Variants in IGF2BP2 observed in about 807,000 individuals in gnomAD.
IGF2BP2 encodes the protein insulin like growth factor 2 mRNA binding protein 2.
A neutral mutation model predicts 75.8 loss-of-function variants in IGF2BP2; 17 were observed. The observed-to-expected ratio is 0.22, with a 90% CI of 0.15 to 0.34. The LOEUF is 0.34. Among genes scored for constraint, IGF2BP2 ranks in the 10% least tolerant of loss-of-function variants. The pLI, the probability that IGF2BP2 is intolerant of heterozygous loss-of-function variation, is 1.00. For missense variants in IGF2BP2, 516 were observed against 772.4 expected (o/e 0.67, Z 3.93); for synonymous variants, 288 against 295.6 (o/e 0.97, Z 0.26).
At chr3:185,800,749 C>T (rs1738131669) in intron 2 of IGF2BP2, among the ~76,000 whole-genome samples, 1 of 91,366 alleles carries the variant, frequency 1.1e-5, no homozygotes, top group Non-Finnish European at 2.3e-5. Flanking sequence ...AAAGTACTTG[C>T]TGAATACCTG....
At chr3:185,707,596 C>T (rs921941762) in intron 2 of IGF2BP2, among the ~76,000 whole-genome samples, 2 of 151,896 alleles carry the variant, frequency 1.3e-5, no homozygotes, top group African/African-American at 4.8e-5. Flanking sequence ...CGTGAGCCAC[C>T]GAAGAGCCTA....
At chr3:185,764,350 T>C (rs756239176) in intron 2 of IGF2BP2, among the ~76,000 whole-genome samples, 1 of 152,168 alleles carries the variant, frequency 6.6e-6, no homozygotes, top group Non-Finnish European at 1.5e-5. Flanking sequence ...GGTTATGAGA[T>C]GTCCGAAGCA....
chr3:185,717,463 G>A (rs1272817742), intron 2 of IGF2BP2: 2 of 152,384 alleles, frequency 1.3e-5, no homozygotes, highest in Non-Finnish European at 2.9e-5. Context: ...TCTGTGCTGT[G>A]AGTGGTTTAC....
intron 2 of IGF2BP2, among the ~76,000 whole-genome samples, chr3:185,741,033 T>G (rs978972412): frequency 6.6e-6 from 1 of 152,120 alleles, no homozygotes; most frequent in African/African-American, 2.4e-5. Context: ...CATGCCACCA[T>G]GCCCGGCTAA....
chr3:185,771,332 T>C (rs1277644242), intron 2 of IGF2BP2, among the ~76,000 whole-genome samples: 1 of 142,714 alleles, frequency 7.0e-6, no homozygotes, highest in South Asian at 2.3e-4. Context: ...TCCCAGCTAC[T>C]TGGGTGGCTG....
intron 2 of IGF2BP2, among the ~76,000 whole-genome samples, chr3:185,763,585 C>T (rs1041386822): frequency 6.6e-6 from 1 of 152,096 alleles, no homozygotes; most frequent in Non-Finnish European, 1.5e-5. Context: ...CCTGTGGAGG[C>T]TACAAAAATG....
chr3:185,696,528 A>G, intron 4 of IGF2BP2, 84 bp downstream of exon 4: 1 of 1,137,490 alleles, frequency 8.8e-7, no homozygotes, highest in Non-Finnish European at 1.3e-6. Context: ...TGAACTTACT[A>G]TTTCTCCCTG....
At chr3:185,821,277 T>C in intron 2 of IGF2BP2, 1 of 630,064 alleles carries the variant, frequency 1.6e-6, no homozygotes, top group Non-Finnish European at 2.5e-6. Flanking sequence ...GTGTAGTGAA[T>C]CATACACAGC....
chr3:185,794,419 C>CTAACT (rs1737064229), intron 2 of IGF2BP2, among the ~76,000 whole-genome samples: 1 of 73,510 alleles, frequency 1.4e-5, no homozygotes, highest in Admixed American at 1.1e-4. Flanking sequence ...TGAGTATCAA[C>CTAACT]TAACTTACAT....
In IGF2BP2 at chr3:185,770,055, T is replaced by A. The variant is rs184201180; in HGVS notation, c.239+53098A>T. On this transcript the variant is annotated intron_variant, in intron 2 of 15. Coordinates refer to ENST00000382199, the MANE Select transcript of IGF2BP2 (RefSeq NM_006548.6). ...GGACCAGAGGCCCACACAAACCCAA[T>A]AAGATCTGGGAACCCCTGGAAGGGA... is the stretch of plus-strand genomic sequence containing the variant. Among the ~76,000 whole-genome samples, 325 of 152,148 alleles carry A rather than the reference T, an allele frequency of 2.1e-3. 2 individuals are homozygous for A. The highest frequency in any genetic ancestry group is 7.1e-3 in the African/African-American group (293 of 41,504).
intron 2 of IGF2BP2, among the ~76,000 whole-genome samples, chr3:185,726,290 G>A (rs950428936): frequency 1.3e-5 from 2 of 152,164 alleles, no homozygotes; most frequent in Non-Finnish European, 2.9e-5. Flanking sequence ...TCAGAGGAGG[G>A]CCTCTCCATC....
intron 2 of IGF2BP2, among the ~76,000 whole-genome samples, chr3:185,775,300 T>C (rs1734406669): frequency 6.6e-6 from 1 of 152,140 alleles, no homozygotes; most frequent in African/African-American, 2.4e-5. Context: ...TGTAAAGGAG[T>C]TGTTCCAAGA....
At chr3:185,751,823 C>T (rs939424061) in intron 2 of IGF2BP2, among the ~76,000 whole-genome samples, 5 of 151,632 alleles carry the variant, frequency 3.3e-5, no homozygotes, top group African/African-American at 1.2e-4. Context: ...ATTAGCTGGG[C>T]GTGGTGGTGG....
chr3:185,682,990 A>C (rs1220468198), intron 7 of IGF2BP2, among the ~76,000 whole-genome samples: 1 of 152,154 alleles, frequency 6.6e-6, no homozygotes, highest in African/African-American at 2.4e-5. Context: ...CTATTTGAAA[A>C]CCCATGTTCA....
At chr3:185,658,506 G>A in intron 10 of IGF2BP2, 97 bp from the exon 11 acceptor site, 1 of 1,000,598 alleles carries the variant, frequency 1.0e-6, no homozygotes, top group Admixed American at 2.1e-5. Context: ...CAGGCTCTCT[G>A]TGGCATCAGC....
intron 13 of IGF2BP2, 90 bp from the exon 14 acceptor site, chr3:185,649,624 A>C: frequency 6.5e-7 from 1 of 1,544,296 alleles, no homozygotes; most frequent in East Asian, 2.3e-5. Context: ...GAGTCCAGAC[A>C]ATGGGTCAGT....
chr3:185,685,282 G>C (rs1302040699), intron 7 of IGF2BP2, among the ~76,000 whole-genome samples: 1 of 151,892 alleles, frequency 6.6e-6, no homozygotes, highest in African/African-American at 2.4e-5. Flanking sequence ...CGGGAGACGG[G>C]AGGTTGCAGT....
chr3:185,810,523 C>T (rs1335412944), intron 2 of IGF2BP2, among the ~76,000 whole-genome samples: 1 of 152,194 alleles, frequency 6.6e-6, no homozygotes, highest in South Asian at 2.1e-4. Context: ...CCTGTAATCC[C>T]AGCACTTTAG....
chr3:185,657,265 G>A, intron 12 of IGF2BP2, 21 bp downstream of exon 12: 4 of 1,562,180 alleles, frequency 2.6e-6, no homozygotes, highest in Non-Finnish European at 3.5e-6. Context: ...AGGGCCACAG[G>A]GCCGTCAGGA....
Sources: allele counts gnomAD v4.1 joint callset (sites outside exome capture counted in the v4.1 genomes callset), GRCh38; gene constraint gnomAD v4.1.1; transcripts MANE v1.5; gene names NCBI Gene and HGNC (gene_info 2026-07-23, HGNC 2026-07-21).